VPS35L: variants seen among roughly 807,000 people sequenced by gnomAD.
VPS35L encodes VPS35 endosomal protein-sorting factor-like.
VPS35L carries 83 observed loss-of-function variants against 133.0 expected under a neutral mutation model. The ratio of observed to expected loss-of-function variants is 0.62; its 90% confidence interval spans 0.52 to 0.75. The LOEUF (loss-of-function observed/expected upper bound fraction) is 0.75. Ranked by LOEUF, VPS35L falls within the 30% of genes least tolerant of loss-of-function variation. The pLI, the probability that VPS35L is intolerant of heterozygous loss-of-function variation, is 0.00. For missense variants in VPS35L, 1,083 were observed against 1,206.8 expected (o/e 0.90, Z 1.52); for synonymous variants, 423 against 449.9 (o/e 0.94, Z 0.76).
intron 26 of VPS35L, among the ~76,000 whole-genome samples, chr16:19,662,677 T>TA (rs1444239375): frequency 1.3e-5 from 2 of 152,164 alleles, no homozygotes; most frequent in African/African-American, 4.8e-5. Context: ...CACATTCACT[T>TA]ACTATTTGCT....
At chr16:19,602,024 A>G (rs1005968964) in intron 9 of VPS35L, among the ~76,000 whole-genome samples, 3 of 150,334 alleles carry the variant, frequency 2.0e-5, no homozygotes, top group Admixed American at 6.7e-5. Flanking sequence ...TATTTTTCCT[A>G]TGTATCGTTC....
chr16:19,677,648 G>A (rs1975109840), intron 27 of VPS35L, among the ~76,000 whole-genome samples: 1 of 152,134 alleles, frequency 6.6e-6, no homozygotes, highest in Non-Finnish European at 1.5e-5. Context: ...CATCAGGAGG[G>A]CACAGGGGAT....
chr16:19,682,949 A>G (rs1975339663), intron 28 of VPS35L, among the ~76,000 whole-genome samples: 1 of 151,742 alleles, frequency 6.6e-6, no homozygotes, highest in African/African-American at 2.4e-5. Flanking sequence ...GATTGAGACA[A>G]GGTCTCACTC....
chr16:19,560,762 C>T (rs1345200565), intron 1 of VPS35L, among the ~76,000 whole-genome samples: 1 of 151,558 alleles, frequency 6.6e-6, no homozygotes, highest in Non-Finnish European at 1.5e-5. Flanking sequence ...TGCCACTGCA[C>T]TCCATCCTGG....
chr16:19,586,425 C>T (rs187858923), intron 7 of VPS35L, among the ~76,000 whole-genome samples: 9 of 152,168 alleles, frequency 5.9e-5, no homozygotes, highest in Non-Finnish European at 8.8e-5. Flanking sequence ...CTGCAACCTC[C>T]GCTTCCTGGG....
chr16:19,575,682 G>A (rs968185441), intron 5 of VPS35L, among the ~76,000 whole-genome samples: 1 of 151,004 alleles, frequency 6.6e-6, no homozygotes, highest in Admixed American at 6.6e-5. Flanking sequence ...GGCCAACATG[G>A]TGAAACCCCA....
chr16:19,640,211 T>C, intron 21 of VPS35L, 111 bp downstream of exon 21: 1 of 923,414 alleles, frequency 1.1e-6, no homozygotes, highest in Non-Finnish European at 1.6e-6. Context: ...ACGTATTTCA[T>C]ACAGAAAACC....
intron 26 of VPS35L, among the ~76,000 whole-genome samples, chr16:19,662,158 G>A (rs1974506192): frequency 6.6e-6 from 1 of 152,018 alleles, no homozygotes; most frequent in South Asian, 2.1e-4. Context: ...AGCTATGACG[G>A]TACCACTGCA....
intron 12 of VPS35L, among the ~76,000 whole-genome samples, chr16:19,610,778 A>T (rs17326812): frequency 0.021 from 3,202 of 151,836 alleles, 72 homozygotes; most frequent in Middle Eastern, 0.078. Flanking sequence ...CTTTGTCTTG[A>T]CTTTGATTGC....
chr16:19,617,691 C>T (rs1317797651), intron 14 of VPS35L: 1 of 151,978 alleles, frequency 6.6e-6, no homozygotes, highest in Non-Finnish European at 1.5e-5. Flanking sequence ...AACACCAATT[C>T]AAACTGTCAT....
chr16:19,592,190 T>G (rs1972066479), intron 8 of VPS35L, among the ~76,000 whole-genome samples: 1 of 151,230 alleles, frequency 6.6e-6, no homozygotes, highest in Non-Finnish European at 1.5e-5. Flanking sequence ...TCTTCCTGCC[T>G]CAGCCTCCTG....
At chr16:19,647,976 C>A in intron 24 of VPS35L, 94 bp downstream of exon 24, 1 of 1,169,088 alleles carries the variant, frequency 8.6e-7, no homozygotes, top group Non-Finnish European at 1.3e-6. Context: ...TTATTAGAGA[C>A]AGGGTCTCAC....
At chr16:19,621,724 A>T (rs552544041) in intron 14 of VPS35L, among the ~76,000 whole-genome samples, 2 of 152,366 alleles carry the variant, frequency 1.3e-5, no homozygotes, top group African/African-American at 4.8e-5. Flanking sequence ...CTGCCCGAGG[A>T]TCTATAACAT....
At chr16:19,632,374 A>T (rs1336701347) in intron 18 of VPS35L, among the ~76,000 whole-genome samples, 1 of 152,124 alleles carries the variant, frequency 6.6e-6, no homozygotes, top group East Asian at 1.9e-4. Flanking sequence ...AGGCTTCTCC[A>T]TTGCAATAGA....
intron 26 of VPS35L, among the ~76,000 whole-genome samples, chr16:19,668,411 C>G (rs1394281042): frequency 6.6e-6 from 1 of 152,184 alleles, no homozygotes; most frequent in Non-Finnish European, 1.5e-5. Flanking sequence ...CCTTCCTGCT[C>G]TCCCTCATCC....
intron 19 of VPS35L, among the ~76,000 whole-genome samples, chr16:19,636,125 G>A (rs751494495): frequency 1.6e-4 from 25 of 152,198 alleles, no homozygotes; most frequent in Non-Finnish European, 2.4e-4. Flanking sequence ...GGTCAAGGCT[G>A]CAGTGAGCTG....
At chr16:19,566,022 A>G (rs576841372) in intron 2 of VPS35L, among the ~76,000 whole-genome samples, 86 of 152,270 alleles carry the variant, frequency 5.6e-4, no homozygotes, top group African/African-American at 2.1e-3. Flanking sequence ...AGAAGAGAAG[A>G]TGTGATTGTC....
intron 9 of VPS35L, among the ~76,000 whole-genome samples, chr16:19,607,318 G>A (rs184760312): frequency 6.6e-6 from 1 of 152,294 alleles, no homozygotes; most frequent in African/African-American, 2.4e-5. Flanking sequence ...GGCTGCAGAG[G>A]TTCCAGCTGT....
intron 14 of VPS35L, among the ~76,000 whole-genome samples, chr16:19,622,446 C>T (rs1490517194): frequency 4.6e-5 from 7 of 151,902 alleles, no homozygotes; most frequent in African/African-American, 1.7e-4. Flanking sequence ...CCGGCCCCCA[C>T]GTATATCAAA....
Sources: allele counts gnomAD v4.1 joint callset (sites outside exome capture counted in the v4.1 genomes callset), GRCh38; gene constraint gnomAD v4.1.1; transcripts MANE v1.5; gene names NCBI Gene and HGNC (gene_info 2026-07-23, HGNC 2026-07-21).